The following NR5A2 variants were observed in gnomAD, a reference collection of about 807,000 sequenced individuals.
NR5A2 encodes CYP7A promoter-binding factor.
Under a neutral mutation model 62.7 loss-of-function variants are expected in NR5A2, and 26 were observed. That is an observed-to-expected ratio of 0.41 (90% confidence interval 0.30 to 0.58). NR5A2 has a LOEUF of 0.58. Ranked by LOEUF, NR5A2 falls within the 20% of genes least tolerant of loss-of-function variation. The pLI is 0.22. For synonymous variants in NR5A2, 246 were observed against 241.7 expected (o/e 1.02, Z -0.16); for missense variants, 541 against 669.1 (o/e 0.81, Z 2.11).
chr1:200,152,047 A>G (rs1653153712), intron 7 of NR5A2, among the ~76,000 whole-genome samples: 1 of 152,200 alleles, frequency 6.6e-6, no homozygotes. Flanking sequence ...AGCAACAAAT[A>G]CCTTTATTTG....
At chr1:200,064,136 G>A (rs1053151859) in intron 5 of NR5A2, among the ~76,000 whole-genome samples, 25 of 149,920 alleles carry the variant, frequency 1.7e-4, no homozygotes, top group Middle Eastern at 3.4e-3. Context: ...GCGACAGAGC[G>A]AGACTCCATC....
intron 5 of NR5A2, among the ~76,000 whole-genome samples, chr1:200,104,546 T>C (rs1483584705): frequency 6.6e-6 from 1 of 152,152 alleles, no homozygotes; most frequent in Non-Finnish European, 1.5e-5. Context: ...CAAAAAGAGA[T>C]GGAAATTCAT....
intron 5 of NR5A2, among the ~76,000 whole-genome samples, chr1:200,097,159 C>T (rs1255743448): frequency 6.6e-6 from 1 of 152,174 alleles, no homozygotes; most frequent in African/African-American, 2.4e-5. Context: ...CCCATTTTCT[C>T]TGTGATTCAT....
intron 7 of NR5A2, among the ~76,000 whole-genome samples, chr1:200,135,492 G>C (rs996527983): frequency 1.3e-5 from 2 of 150,810 alleles, no homozygotes; most frequent in African/African-American, 4.9e-5. Flanking sequence ...CTGCTCTCCA[G>C]CCTGGGCAAC....
chr1:200,112,472 C>T (rs1665998712), intron 6 of NR5A2, among the ~76,000 whole-genome samples: 1 of 152,170 alleles, frequency 6.6e-6, no homozygotes, highest in Non-Finnish European at 1.5e-5. Flanking sequence ...CTTTTATGTT[C>T]AGCCATAAAT....
intron 1 of NR5A2, among the ~76,000 whole-genome samples, chr1:200,036,356 C>G (rs931631682): frequency 2.0e-5 from 3 of 152,150 alleles, no homozygotes; most frequent in African/African-American, 7.2e-5. Flanking sequence ...ACTGAGCTAG[C>G]GGGTCCCCGG....
chr1:200,168,221 T>A lies in NR5A2; in HGVS notation c.1379-5742T>A, dbSNP rs145963806. Among the ~76,000 whole-genome samples the A allele has an allele frequency of 6.5e-3, 986 of 151,618 alleles. 11 individuals are homozygous for A. Among genetic ancestry groups the A allele is most frequent in the Middle Eastern group, 0.027 (8 of 292 alleles). On this transcript the variant is annotated intron_variant, in intron 7 of 7. Coordinates refer to ENST00000367362, the MANE Select transcript of NR5A2 (RefSeq NM_205860.3). ...ACACTTTATATCTACTTTTTTTTTTTTTTTTTAAGAGACAGGGTCTCACTC... is the reference window on the plus strand; with the variant it reads ...ACACTTTATATCTACTTTTTTTTTTATTTTTTAAGAGACAGGGTCTCACTC...
At chr1:200,128,841 ATGTT>A (rs1320879778) in intron 7 of NR5A2, among the ~76,000 whole-genome samples, 4 of 152,184 alleles carry the variant, frequency 2.6e-5, no homozygotes, top group Non-Finnish European at 5.9e-5. Flanking sequence ...AGTAAATAAA[ATGTT>A]TACTAGCTGA....
intron 1 of NR5A2, chr1:200,029,076 C>A (rs1277093046): frequency 4.5e-6 from 2 of 447,274 alleles, no homozygotes; most frequent in Admixed American, 4.8e-5. Context: ...GAGAGCAGCA[C>A]ACAACCATTT....
At chr1:200,121,086 T>A in intron 7 of NR5A2, 131 bp downstream of exon 7, 2 of 945,106 alleles carry the variant, frequency 2.1e-6, no homozygotes, top group South Asian at 1.6e-5. Flanking sequence ...TATGAAATCT[T>A]CAAACGTGAA....
chr1:200,148,298 G>A (rs190509845), intron 7 of NR5A2: 2 of 188,080 alleles, frequency 1.1e-5, no homozygotes, highest in Non-Finnish European at 1.2e-5. Context: ...TGTTCTTGGG[G>A]ACAGGCTTTT....
intron 7 of NR5A2, among the ~76,000 whole-genome samples, chr1:200,148,588 A>C (rs907704626): frequency 1.3e-5 from 2 of 152,216 alleles, no homozygotes; most frequent in African/African-American, 4.8e-5. Flanking sequence ...GGATACATAC[A>C]TAAGGATATG....
intron 7 of NR5A2, among the ~76,000 whole-genome samples, chr1:200,153,897 C>T (rs1653252454): frequency 1.3e-5 from 2 of 152,052 alleles, no homozygotes; most frequent in Non-Finnish European, 2.9e-5. Context: ...ATAATTATTT[C>T]ATTCCCTAAT....
At chr1:200,127,099 T>TAA (rs11483864) in intron 7 of NR5A2, among the ~76,000 whole-genome samples, 2 of 151,798 alleles carry the variant, frequency 1.3e-5, no homozygotes, top group Admixed American at 6.6e-5. Flanking sequence ...GTTTTGTAAT[T>TAA]AAAAAAACAA....
chr1:200,122,349 T>C (rs1666516106), intron 7 of NR5A2, among the ~76,000 whole-genome samples: 1 of 152,216 alleles, frequency 6.6e-6, no homozygotes, highest in African/African-American at 2.4e-5. Flanking sequence ...ATTTGATCAC[T>C]AATTAAATGG....
At chr1:200,161,535 C>G (rs966500573) in intron 7 of NR5A2, among the ~76,000 whole-genome samples, 6 of 152,166 alleles carry the variant, frequency 3.9e-5, no homozygotes, top group Non-Finnish European at 5.9e-5. Flanking sequence ...ACACAGCTCA[C>G]AGCCCCAAAA....
At chr1:200,108,628 TA>T (rs776149357) in intron 5 of NR5A2, among the ~76,000 whole-genome samples, 23 of 152,342 alleles carry the variant, frequency 1.5e-4, no homozygotes, top group Admixed American at 9.8e-4. Context: ...AATTTCAAAG[TA>T]AAGTATTTTG....
chr1:200,142,577 A>T (rs1667496997), intron 7 of NR5A2, among the ~76,000 whole-genome samples: 3 of 152,108 alleles, frequency 2.0e-5, no homozygotes, highest in African/African-American at 7.2e-5. Flanking sequence ...CACCCAGCCT[A>T]GAATGCTATG....
intron 7 of NR5A2, among the ~76,000 whole-genome samples, chr1:200,136,037 C>G (rs1667206817): frequency 6.6e-6 from 1 of 152,114 alleles, no homozygotes; most frequent in Admixed American, 6.6e-5. Flanking sequence ...TCAGAGTAAG[C>G]AGACTCAAGC....
Sources: allele counts gnomAD v4.1 joint callset (sites outside exome capture counted in the v4.1 genomes callset), GRCh38; gene constraint gnomAD v4.1.1; transcripts MANE v1.5; gene names NCBI Gene and HGNC (gene_info 2026-07-23, HGNC 2026-07-21).